Variants in USP25 observed in about 807,000 individuals in gnomAD.
USP25 encodes the protein ubiquitin carboxyl-terminal hydrolase 25.
Under a neutral mutation model 158.5 loss-of-function variants are expected in USP25, and 85 were observed. The ratio of observed to expected loss-of-function variants is 0.54; its 90% CI spans 0.45 to 0.64. The LOEUF (loss-of-function observed/expected upper bound fraction) is 0.64. USP25 is among the 30% of genes least tolerant of loss of function. USP25 has a pLI of 0.00. For synonymous variants in USP25, 464 were observed against 460.4 expected (o/e 1.01, Z -0.10); for missense variants, 1,242 against 1,327.3 (o/e 0.94, Z 1.00).
intron 1 of USP25, among the ~76,000 whole-genome samples, chr21:15,746,420 G>A (rs76737656): frequency 6.6e-6 from 1 of 151,994 alleles, no homozygotes; most frequent in Non-Finnish European, 1.5e-5. Flanking sequence ...ATTGTAAGTG[G>A]TATTTTTTAT....
rs397973617 is a variant in USP25, at chr21:15,846,158, A to AT, written c.2338-1483dup. On this transcript the variant is annotated intron_variant, in intron 18 of 25. Transcript: ENST00000400183. ...TATATATATATATATATATATATAT[A>AT]TTTTTTTTTTTTTTTTTTTTTTGAG... Among the ~76,000 whole-genome samples the AT allele has an allele frequency of 1.3e-3, 32 of 23,952 alleles. 2 individuals carry two copies. Among genetic ancestry groups the AT allele is most frequent in the Admixed American group, 6.0e-3 (7 of 1,170 alleles). The allele number at this position is 23,952 out of a possible 152,430, so 15.7% of individuals were successfully genotyped here.
chr21:15,732,238 T>C (rs915239144), intron 1 of USP25, among the ~76,000 whole-genome samples: 2 of 152,220 alleles, frequency 1.3e-5, no homozygotes, highest in Admixed American at 6.5e-5. Flanking sequence ...GGCTGTGTTT[T>C]AGATCATTTC....
intron 9 of USP25, among the ~76,000 whole-genome samples, chr21:15,813,512 C>T (rs1470087427): frequency 6.6e-6 from 1 of 152,110 alleles, no homozygotes; most frequent in Non-Finnish European, 1.5e-5. Flanking sequence ...AAGGAATTAC[C>T]CAGTTTTATA....
chr21:15,803,604 A>G (rs1427975344), intron 6 of USP25, among the ~76,000 whole-genome samples: 1 of 151,888 alleles, frequency 6.6e-6, no homozygotes, highest in Non-Finnish European at 1.5e-5. Flanking sequence ...TTACTTTTCA[A>G]ATATGCTTCT....
intron 4 of USP25, among the ~76,000 whole-genome samples, chr21:15,783,947 G>T (rs923146745): frequency 6.6e-6 from 1 of 152,082 alleles, no homozygotes; most frequent in African/African-American, 2.4e-5. Flanking sequence ...TCCAGCCTGG[G>T]CGACAGAGCG....
In USP25 at chr21:15,776,645, C is replaced by G. The variant is rs143549282; in HGVS notation, c.269-1259C>G. Among the ~76,000 whole-genome samples the G allele has an allele frequency of 2.5e-3, 383 of 151,660 alleles. 1 individual carries two copies. The highest frequency in any genetic ancestry group is 8.8e-3 in the African/African-American group (364 of 41,318). The stretch of plus-strand genomic sequence containing the variant: ...TATTTTTAACATGTCTAAAATACAC[C>G]AACCTGGGCAAGACGCAAAACCTTG... On this transcript the variant is annotated intron_variant, in intron 3 of 25. Transcript: ENST00000400183.
chr21:15,733,856 C>G lies in USP25; in HGVS notation c.45+3418C>G, dbSNP rs139205413. Among the ~76,000 whole-genome samples the G allele has an allele frequency of 2.1e-3, 322 of 152,032 alleles. 2 individuals are homozygous for G. Among genetic ancestry groups the G allele is most frequent in the African/African-American group, 7.6e-3 (314 of 41,502 alleles). On this transcript the variant is annotated intron_variant, in intron 1 of 25. Transcript: ENST00000400183. ...GACTCCATGTCAAAAAAACAAAAAA[C>G]CAAAACAAAACAATGAAAGCTTGAA...
At chr21:15,849,403 A>G (rs2038782618) in intron 19 of USP25, among the ~76,000 whole-genome samples, 1 of 152,200 alleles carries the variant, frequency 6.6e-6, no homozygotes, top group South Asian at 2.1e-4. Context: ...AATTGAGTTC[A>G]TGATGAGCTC....
At position 15,830,614 on chromosome 21, in the gene USP25, T is replaced by C. The variant is rs2037751762; in HGVS notation, c.1764+13T>C. On this transcript the variant is annotated intron_variant, in intron 15 of 25. Transcript: ENST00000400183. ...ATCTATGATACAAGTAAGTGAAATT[T>C]TGAGCTAGTAATCATTGTCAAAATT... 1 of 1,564,924 alleles carries C rather than the reference T, an allele frequency of 6.4e-7. No individual in the cohort carries two copies. Among genetic ancestry groups the C allele is most frequent in the Non-Finnish European group, 8.7e-7 (1 of 1,149,948 alleles).
At chr21:15,827,865 TTTC>T (rs1328446346) in intron 14 of USP25, among the ~76,000 whole-genome samples, 2 of 150,892 alleles carry the variant, frequency 1.3e-5, no homozygotes, top group Non-Finnish European at 2.9e-5. Context: ...TATTCTATTT[TTTC>T]TTTTTTTTCA....
At chr21:15,783,957 G>A (rs60174740) in intron 4 of USP25, among the ~76,000 whole-genome samples, 5,773 of 152,094 alleles carry the variant, frequency 0.038, 164 homozygotes, top group Middle Eastern at 0.14. Context: ...GCGACAGAGC[G>A]AGACTCCGTC....
At position 15,855,483 on chromosome 21, in the gene USP25, G is replaced by A. The variant is rs936485943; in HGVS notation, c.2547+5611G>A. ...AGAGGAAGAATTATTTATCAACATG[G>A]TATTAATGAAATCTTGTTCCCTAAA... On this transcript the variant is annotated intron_variant, in intron 20 of 25. Coordinates refer to ENST00000400183, the MANE Select transcript of USP25 (RefSeq NM_001283041.3). Among the ~76,000 whole-genome samples the A allele has an allele frequency of 3.3e-5, 5 of 152,226 alleles. No individual in the cohort carries two copies. The South Asian group carries it at 1.0e-3, about 32-fold the overall frequency.
chr21:15,794,593 T>C (rs1277819468), intron 5 of USP25, among the ~76,000 whole-genome samples: 1 of 151,536 alleles, frequency 6.6e-6, no homozygotes, highest in Non-Finnish European at 1.5e-5. Context: ...ACCTTTCCAT[T>C]TGGATGCCGA....
At position 15,817,904 on chromosome 21, in the gene USP25, A is replaced by G. The variant is rs901253929; in HGVS notation, c.932-794A>G. ...CAAACCGTATCAGTGACTTTGCATTATACCCAGAATGTGGTGGGGAAAAAA... is the reference window on the plus strand; with the variant it reads ...CAAACCGTATCAGTGACTTTGCATTGTACCCAGAATGTGGTGGGGAAAAAA... On this transcript the variant is annotated intron_variant, in intron 9 of 25. Coordinates refer to ENST00000400183, the MANE Select transcript of USP25 (RefSeq NM_001283041.3). Among the ~76,000 whole-genome samples the G allele has an allele frequency of 7.9e-5, 12 of 152,276 alleles. No individual in the cohort carries two copies. The East Asian group carries it at 1.7e-3, about 22-fold the overall frequency.
At position 15,826,310 on chromosome 21, in the gene USP25, G is replaced by A. The variant is rs114016972; in HGVS notation, c.1411G>A (p.Asp471Asn). ...SKPVCTSPVD[D>N]IDASSPPSGS... Reference sequence around the variant, plus strand: ...ACCTGTTTGCACTTCTCCTGTTGACGATATTGACGCTAGTTCCCCACCTAG... The same window carrying A: ...ACCTGTTTGCACTTCTCCTGTTGACAATATTGACGCTAGTTCCCCACCTAG... The change falls in exon 13 of 26, where the codon GAT becomes AAT. Residue 471 changes from aspartate (D) to asparagine (N), a missense_variant. Coordinates refer to ENST00000400183, the MANE Select transcript of USP25 (RefSeq NM_001283041.3). The surrounding 1 kb of genome is among the most constrained non-coding windows in gnomAD (Gnocchi z 4.8). 3.3e-4 allele frequency: 527 copies of A among 1,614,020 alleles called. 4 individuals are homozygous for A. In the African/African-American group the frequency reaches 6.5e-3, roughly 20 times the overall value.
At chr21:15,832,351 T>C (rs568338612) in intron 16 of USP25, among the ~76,000 whole-genome samples, 19 of 152,318 alleles carry the variant, frequency 1.2e-4, no homozygotes, top group African/African-American at 3.8e-4. Context: ...GCTTTGCATA[T>C]AGAAAATAAT....
chr21:15,758,105 C>A (rs1041607870), intron 1 of USP25, among the ~76,000 whole-genome samples: 1 of 152,168 alleles, frequency 6.6e-6, no homozygotes, highest in Non-Finnish European at 1.5e-5. Context: ...ATCCCTAGAC[C>A]TTAACCCAGA....
chr21:15,734,683 T>A (rs528500454), intron 1 of USP25, among the ~76,000 whole-genome samples: 4 of 152,332 alleles, frequency 2.6e-5, no homozygotes, highest in South Asian at 2.1e-4. Flanking sequence ...TACTTTAAGA[T>A]GACAGAATGC....
Position 15,847,719 on chromosome 21 carries a change from G to C in USP25, c.2394G>C (p.Ala798=). ...PLSNQRVVEV[A]IPHVGKFMIE... is the part of the protein sequence containing the mutation. The stretch of plus-strand genomic sequence containing the variant: ...CTAATCAGCGAGTTGTAGAGGTGGC[G>C]ATCCCTCATGTAGGGAAATTTATGA... The change falls in exon 19 of 26, where the codon GCG becomes GCC. Residue 798 remains alanine (A), a synonymous_variant. Transcript: ENST00000400183. 2 of 1,550,078 alleles carry C rather than the reference G, an allele frequency of 1.3e-6. No homozygotes were observed. The highest frequency in any genetic ancestry group is 1.2e-5 in the South Asian group (1 of 84,030).
Sources: allele counts gnomAD v4.1 joint callset (sites outside exome capture counted in the v4.1 genomes callset), GRCh38; gene constraint gnomAD v4.1.1; non-coding constraint Gnocchi (gnomAD v3.1); transcripts MANE v1.5; gene names NCBI Gene and HGNC (gene_info 2026-07-23, HGNC 2026-07-21).